Variants in KCNN2 observed in about 807,000 individuals in gnomAD.
KCNN2 encodes potassium calcium-activated channel subfamily N member 2.
Under a neutral mutation model 55.5 loss-of-function variants are expected in KCNN2, and 24 were observed. The ratio of observed to expected loss-of-function variants is 0.43; its 90% CI spans 0.31 to 0.61. The LOEUF (loss-of-function observed/expected upper bound fraction) is 0.61, where lower values mean the gene tolerates loss of function less well. Ranked by LOEUF, KCNN2 falls within the 20% of genes least tolerant of loss-of-function variation. The pLI is 0.08. For synonymous variants in KCNN2, 431 were observed against 336.1 expected, an observed-to-expected ratio of 1.28 and a Z score of -3.09; for missense variants, 754 against 853.6, an observed-to-expected ratio of 0.88 and a Z score of 1.45.
chr5:114,274,016 A>G (rs191066207), intron 2 of KCNN2, among the ~76,000 whole-genome samples: 14 of 152,152 alleles, frequency 9.2e-5, no homozygotes, highest in South Asian at 2.1e-4. Context: ...TAATTTTTGT[A>G]TAAGGTGTAA....
chr5:114,320,439 C>T (rs1364532667), intron 2 of KCNN2, among the ~76,000 whole-genome samples: 1 of 151,958 alleles, frequency 6.6e-6, no homozygotes, highest in Non-Finnish European at 1.5e-5. Context: ...TGGTGAAACA[C>T]CGTCTCTACT....
chr5:114,376,156 G>A (rs1234503481), intron 2 of KCNN2, among the ~76,000 whole-genome samples: 2 of 151,982 alleles, frequency 1.3e-5, no homozygotes, highest in East Asian at 1.9e-4. Context: ...CATGTTCACT[G>A]TCTCAGTCTG....
intron 1 of KCNN2, among the ~76,000 whole-genome samples, chr5:114,158,430 G>A (rs1752688830): frequency 1.3e-5 from 2 of 152,020 alleles, no homozygotes; most frequent in Non-Finnish European, 2.9e-5. Flanking sequence ...TTGAAGTCAG[G>A]TAGCATGATG....
chr5:114,138,990 C>T (rs1752222308), intron 1 of KCNN2, among the ~76,000 whole-genome samples: 1 of 152,030 alleles, frequency 6.6e-6, no homozygotes, highest in East Asian at 1.9e-4. Context: ...AAATACTATA[C>T]CTTTTATAGT....
chr5:114,142,587 A>G (rs1752309318), intron 1 of KCNN2, among the ~76,000 whole-genome samples: 2 of 152,244 alleles, frequency 1.3e-5, no homozygotes, highest in Admixed American at 1.3e-4. Context: ...AGACAAACAG[A>G]GAGCCAAATC....
At chr5:114,241,376 T>C (rs139395236) in intron 2 of KCNN2, among the ~76,000 whole-genome samples, 159 of 152,042 alleles carry the variant, frequency 1.0e-3, no homozygotes, top group Admixed American at 1.9e-3. Flanking sequence ...TGAAGATAGT[T>C]ATGCCTTAAC....
At chr5:114,064,459 A>G (rs1750397799) in intron 1 of KCNN2, among the ~76,000 whole-genome samples, 1 of 152,210 alleles carries the variant, frequency 6.6e-6, no homozygotes, top group Non-Finnish European at 1.5e-5. Flanking sequence ...AGCTCCAGCT[A>G]GCCTTGTGGG....
chr5:114,388,426 A>G (rs951491973), intron 2 of KCNN2, among the ~76,000 whole-genome samples: 6 of 152,168 alleles, frequency 3.9e-5, no homozygotes, highest in East Asian at 1.9e-4. Flanking sequence ...CAGTGTAACA[A>G]TCTTTGGAGG....
At chr5:114,156,544 A>G (rs937282561) in intron 1 of KCNN2, among the ~76,000 whole-genome samples, 1 of 151,972 alleles carries the variant, frequency 6.6e-6, no homozygotes, top group Non-Finnish European at 1.5e-5. Context: ...TGTTGGTGTC[A>G]TTCCTGATTT....
At chr5:114,302,761 G>C (rs1756193494) in intron 2 of KCNN2, among the ~76,000 whole-genome samples, 1 of 152,112 alleles carries the variant, frequency 6.6e-6, no homozygotes, top group Non-Finnish European at 1.5e-5. Flanking sequence ...TTTACAACCA[G>C]GCCTGGGTTT....
chr5:114,280,977 A>G (rs1407862103), intron 2 of KCNN2, among the ~76,000 whole-genome samples: 1 of 151,846 alleles, frequency 6.6e-6, no homozygotes, highest in African/African-American at 2.4e-5. Context: ...TTTTGCCGTT[A>G]TATTTGATAT....
intron 3 of KCNN2, among the ~76,000 whole-genome samples, chr5:114,461,886 G>A (rs949638654): frequency 6.6e-6 from 1 of 152,164 alleles, no homozygotes; most frequent in African/African-American, 2.4e-5. Flanking sequence ...CTGAGTGAGC[G>A]AAGCAGGAGA....
intron 6 of KCNN2, among the ~76,000 whole-genome samples, chr5:114,492,848 T>G (rs968394024): frequency 3.3e-5 from 5 of 152,086 alleles, no homozygotes; most frequent in African/African-American, 1.2e-4. Flanking sequence ...AGATAATAAT[T>G]ATGTGTTTTG....
At chr5:114,475,531 A>G (rs1162055679) in intron 5 of KCNN2, among the ~76,000 whole-genome samples, 4 of 152,164 alleles carry the variant, frequency 2.6e-5, no homozygotes, top group Admixed American at 6.6e-5. Flanking sequence ...CTTTTTTGGA[A>G]TAACATATAA....
At chr5:114,148,497 G>A (rs574327462) in intron 1 of KCNN2, among the ~76,000 whole-genome samples, 2 of 152,152 alleles carry the variant, frequency 1.3e-5, no homozygotes, top group Non-Finnish European at 2.9e-5. Flanking sequence ...CATCCATTGT[G>A]TAGAGGCAGA....
chr5:114,400,545 G>T (rs1758756483), intron 2 of KCNN2, among the ~76,000 whole-genome samples: 1 of 152,144 alleles, frequency 6.6e-6, no homozygotes, highest in Admixed American at 6.6e-5. Flanking sequence ...TTCCCACTTG[G>T]CTTAGATTGA....
chr5:114,272,331 T>C (rs1057228100), intron 2 of KCNN2, among the ~76,000 whole-genome samples: 13 of 128,768 alleles, frequency 1.0e-4, no homozygotes, highest in Admixed American at 1.0e-3. Flanking sequence ...TGTATGTACA[T>C]ATACACACAT....
intron 3 of KCNN2, among the ~76,000 whole-genome samples, chr5:114,438,691 C>A (rs184410839): frequency 3.3e-5 from 5 of 152,230 alleles, no homozygotes; most frequent in Admixed American, 2.0e-4. Context: ...AGACATTCCC[C>A]GAGCATGTTG....
intron 1 of KCNN2, among the ~76,000 whole-genome samples, chr5:114,069,894 C>G (rs1750531135): frequency 6.6e-6 from 1 of 152,140 alleles, no homozygotes. Flanking sequence ...GATGGGAATG[C>G]AAGGATACAG....
Sources: gnomAD v4.1 joint callset for allele counts (sites outside exome capture counted in the v4.1 genomes callset) on GRCh38, gnomAD v4.1.1 for gene constraint, MANE v1.5 for transcripts, NCBI Gene and HGNC (gene_info 2026-07-23, HGNC 2026-07-21) for gene names.